FBXL13: variants seen among roughly 807,000 people sequenced by gnomAD.
FBXL13 encodes the protein F-box and leucine rich repeat protein 13.
In FBXL13, 67 loss-of-function variants were observed where a neutral mutation model predicts 83.6. The observed-to-expected ratio is 0.80, with a 90% CI of 0.66 to 0.98. FBXL13 has a LOEUF of 0.98. Among genes scored for constraint, FBXL13 ranks in the 50% least tolerant of loss-of-function variants. The pLI, the probability that FBXL13 is intolerant of heterozygous loss-of-function variation, is 0.00. For missense variants in FBXL13, 822 were observed against 866.5 expected (o/e 0.95, Z 0.64); for synonymous variants, 272 against 299.5 (o/e 0.91, Z 0.95).
At chr7:103,053,504 T>C (rs1319026215) in intron 2 of FBXL13, among the ~76,000 whole-genome samples, 2 of 152,228 alleles carry the variant, frequency 1.3e-5, no homozygotes, top group South Asian at 4.1e-4. Flanking sequence ...AGCTGGACAC[T>C]GGACACAGCC....
intron 2 of FBXL13, 132 bp from the exon 4 acceptor site, chr7:103,029,550 G>C (rs994094403): frequency 2.6e-5 from 12 of 457,972 alleles, no homozygotes; most frequent in Non-Finnish European, 4.6e-5. Context: ...TTGGAGACAG[G>C]AATGGGCTGA....
At chr7:102,990,886 G>C (rs1829490947) in intron 6 of FBXL13, among the ~76,000 whole-genome samples, 1 of 152,264 alleles carries the variant, frequency 6.6e-6, no homozygotes, top group African/African-American at 2.4e-5. Context: ...GGAGAATGCA[G>C]CTGAGAGGTA....
At chr7:103,063,367 A>G (rs1223859208) in intron 1 of FBXL13, among the ~76,000 whole-genome samples, 1 of 152,258 alleles carries the variant, frequency 6.6e-6, no homozygotes, top group Non-Finnish European at 1.5e-5. Flanking sequence ...AAGTAATCTA[A>G]AGATGATTTA....
rs185129931 is a variant in FBXL13 at position 103,026,029 on chromosome 7, T to G, written c.328-799A>C. On this transcript the variant is annotated intron_variant, in intron 5 of 19. Coordinates refer to ENST00000313221, the Ensembl canonical transcript of FBXL13. ...TATATCTTGATGATATTATAGTACA[T>G]ATAGCATAAATTATATATATTAATA... 4.0e-5 allele frequency among the ~76,000 whole-genome samples: 6 copies of G among 151,100 alleles called. No individual in the cohort carries two copies. The East Asian group carries it at 1.2e-3, about 29-fold the overall frequency.
intron 8 of FBXL13, chr7:102,942,444 C>CT: frequency 9.7e-7 from 1 of 1,032,234 alleles, no homozygotes; most frequent in Non-Finnish European, 1.4e-6. Flanking sequence ...AGAAGATACC[C>CT]TACTAGGGGG....
chr7:102,814,596 T>C (rs1264258156), intron 19 of FBXL13, among the ~76,000 whole-genome samples: 1 of 152,224 alleles, frequency 6.6e-6, no homozygotes, highest in Non-Finnish European at 1.5e-5. Context: ...TCTAAGCACA[T>C]TGCTTTTTAG....
At chr7:102,817,102 C>T (rs4329216) in intron 19 of FBXL13, among the ~76,000 whole-genome samples, 1 of 152,104 alleles carries the variant, frequency 6.6e-6, no homozygotes, top group African/African-American at 2.4e-5. Context: ...AGAATTATTT[C>T]TTTTCCTTTG....
rs534852188 is a variant in FBXL13, at chr7:103,025,387, GTTTAATGTTCTCTAAACCA to G, written c.328-176_328-158del. Among the ~76,000 whole-genome samples the G allele has an allele frequency of 1.8e-3, 268 of 152,260 alleles. 2 individuals are homozygous for G. Among genetic ancestry groups the G allele is most frequent in the African/African-American group, 6.0e-3 (250 of 41,556 alleles). On this transcript the variant is annotated intron_variant, in intron 5 of 19. Transcript: ENST00000313221. The stretch of plus-strand genomic sequence containing the variant: ...ATAAACTATAATTTTTCATAAGCAT[GTTTAATGTTCTCTAAACCA>G]CCGAAGTATTACAGATCATTTCCAT...
intron 8 of FBXL13, among the ~76,000 whole-genome samples, chr7:102,950,114 C>A (rs1486080528): frequency 1.3e-5 from 2 of 151,230 alleles, no homozygotes; most frequent in Non-Finnish European, 1.5e-5. Flanking sequence ...CAAAAAAAAA[C>A]AAAAACAAAA....
At chr7:102,934,521 TGCG>T in intron 8 of FBXL13, 2 of 1,609,442 alleles carry the variant, frequency 1.2e-6, no homozygotes, top group Non-Finnish European at 1.7e-6. Flanking sequence ...AATAAAAAAC[TGCG>T]GCAGATAAAA....
At chr7:102,899,475 T>C (rs1326383284) in intron 11 of FBXL13, among the ~76,000 whole-genome samples, 2 of 152,226 alleles carry the variant, frequency 1.3e-5, no homozygotes, top group East Asian at 1.9e-4. Flanking sequence ...TCTGTGCTGC[T>C]GGAGAAGAGA....
intron 6 of FBXL13, among the ~76,000 whole-genome samples, chr7:103,012,798 T>C (rs897606277): frequency 1.3e-5 from 2 of 152,196 alleles, no homozygotes; most frequent in Non-Finnish European, 2.9e-5. Flanking sequence ...CAAATCCACA[T>C]GTATCGATAC....
At chr7:102,944,666 A>T (rs1053433869) in intron 8 of FBXL13, 4 of 1,427,624 alleles carry the variant, frequency 2.8e-6, no homozygotes, top group Non-Finnish European at 2.8e-6. Context: ...GTTAGAAAAC[A>T]TATGTTTACA....
At chr7:102,933,783 T>G in intron 8 of FBXL13, 1 of 910,222 alleles carries the variant, frequency 1.1e-6, no homozygotes, top group Non-Finnish European at 1.6e-6. Context: ...GCCTAGGGAC[T>G]CCACGTACCC....
intron 6 of FBXL13, among the ~76,000 whole-genome samples, chr7:102,990,019 A>G (rs1001988107): frequency 1.3e-5 from 2 of 152,250 alleles, no homozygotes; most frequent in African/African-American, 4.8e-5. Context: ...TCCCGACATT[A>G]CTGCACATCA....
intron 8 of FBXL13, among the ~76,000 whole-genome samples, chr7:102,958,764 A>G (rs1404313297): frequency 6.6e-6 from 1 of 152,040 alleles, no homozygotes; most frequent in Admixed American, 6.6e-5. Context: ...AAGACAAAGC[A>G]AGAATGGCCT....
chr7:102,983,421 C>CTTTTTTTTTTTTTTTTTTTTTTT (rs151066223), intron 6 of FBXL13, among the ~76,000 whole-genome samples: 1 of 145,444 alleles, frequency 6.9e-6, no homozygotes, highest in Non-Finnish European at 1.5e-5. Context: ...TCTTTTTTCC[C>CTTTTTTTTTTTTTTTTTTTTTTT]CTTTTTTTTT....
chr7:103,012,737 G>A (rs897294140), intron 6 of FBXL13, among the ~76,000 whole-genome samples: 1 of 152,128 alleles, frequency 6.6e-6, no homozygotes. Context: ...CTCTAAAGCA[G>A]CCACACAAAC....
rs772740681 is a variant in FBXL13, at chr7:102,926,332, G to A, written c.820C>T (p.Leu274=). The change falls in exon 10 of 20, where the codon CTG becomes TTG. Residue 274 remains leucine, a synonymous_variant. Coordinates refer to ENST00000313221, the Ensembl canonical transcript of FBXL13. ...GTTGTGTTAGACAGATTGAGACACA[G>A]GACCCCCGGGCAGCCCTCAGAAATG... is the stretch of plus-strand genomic sequence containing the variant. 1.6e-5 allele frequency: 26 copies of A among 1,613,926 alleles called. 1 individual carries two copies. In the South Asian group the frequency reaches 2.7e-4, roughly 17 times the overall value.
Sources: gnomAD v4.1 joint callset for allele counts (sites outside exome capture counted in the v4.1 genomes callset) on GRCh38, gnomAD v4.1.1 for gene constraint, MANE v1.5 for transcripts, NCBI Gene and HGNC (gene_info 2026-07-23, HGNC 2026-07-21) for gene names.